MDC1: variants seen among roughly 807,000 people sequenced by gnomAD.
MDC1 encodes the protein mediator of DNA damage checkpoint 1.
A neutral mutation model predicts 142.5 loss-of-function variants in MDC1; 81 were observed. That is an observed-to-expected ratio of 0.57 (90% confidence interval 0.47 to 0.68). The LOEUF (loss-of-function observed/expected upper bound fraction) is 0.68. Ranked by LOEUF, MDC1 falls within the 30% of genes least tolerant of loss-of-function variation. The pLI, the probability that MDC1 is intolerant of heterozygous loss-of-function variation, is 0.00. For missense variants in MDC1, 2,119 were observed against 2,547.9 expected (o/e 0.83, Z 3.62); for synonymous variants, 797 against 968.4 (o/e 0.82, Z 3.29).
Position 30,716,792 on chromosome 6 carries a change from A to G in MDC1, c.-4+453T>C. The G allele has an allele frequency of 2.1e-6, 1 of 478,858 alleles. No homozygotes were observed. The highest frequency in any genetic ancestry group is 8.8e-5 in the South Asian group (1 of 11,370). The allele number at this position is 478,858 out of a possible 1,614,324, so 29.7% of individuals were successfully genotyped here. A position where few individuals can be genotyped will look rare whatever the true frequency, so the allele number is the denominator to read the frequency against. ...GTATACATCTGTGAACCAAACATGA[A>G]ATCGACCCTGCCCTCGGGAAGGCTC... On this transcript the variant is annotated intron_variant, in intron 1 of 14. Coordinates refer to ENST00000376406, the MANE Select transcript of MDC1 (RefSeq NM_014641.3). This position sits in a 1 kb window ranked among gnomAD's most constrained non-coding sequence, Gnocchi z 4.4.
At position 30,705,704 on chromosome 6, in the gene MDC1, G is replaced by A; in HGVS notation, c.3479C>T (p.Pro1160Leu). ...TNRSSVKTPE[P>L]VVPTAPELQP... is the part of the protein sequence containing the mutation. The stretch of plus-strand genomic sequence containing the variant: ...GAGCTCAGGGGCTGTGGGGACAACT[G>A]GTTCAGGGGTCTTGACAGAGGACCT... The change falls in exon 10 of 15, where the codon CCA (proline) becomes CTA (leucine). Residue 1160 changes from proline (P) to leucine (L), a missense_variant. By Grantham distance (98) the Pro-to-Leu change is moderately conservative. Transcript: ENST00000376406. The A allele has an allele frequency of 6.2e-7, 1 of 1,612,946 alleles. No homozygotes were observed. Among genetic ancestry groups the A allele is most frequent in the Non-Finnish European group, 8.5e-7 (1 of 1,179,444 alleles).
Position 30,707,725 on chromosome 6 carries a change from C to G in MDC1, c.2854G>C (p.Glu952Gln). The change falls in exon 8 of 15, where the codon GAG becomes CAG. Residue 952 changes from glutamate to glutamine, a missense_variant. Transcript: ENST00000376406. ...LERDTQRGEP[E>Q]GGSQDQKGQA... is the part of the protein sequence containing the mutation. ...CCTTTCTGGTCCTGGCTCCCTCCCT[C>G]TGGCTCCCCTCTCTGTGTATCTCTC... 6.2e-7 allele frequency: 1 copy of G among 1,613,130 alleles called. No individual in the cohort carries two copies. The highest frequency in any genetic ancestry group is 8.5e-7 in the Non-Finnish European group (1 of 1,180,052).
intron 12 of MDC1, 113 bp downstream of exon 12, chr6:30,702,991 C>G (rs1773027500): frequency 2.5e-6 from 4 of 1,580,492 alleles, no homozygotes; most frequent in East Asian, 4.5e-5. Context: ...AGGCTTCTGG[C>G]TCACCAATGC....
intron 14 of MDC1, among the ~76,000 whole-genome samples, chr6:30,702,256 C>CAAAAAAAAAAAAAAAAAAA (rs57764077): frequency 3.4e-5 from 2 of 59,138 alleles, no homozygotes; most frequent in Non-Finnish European, 5.6e-5. Context: ...GACTCCATCT[C>CAAAAAAAAAAAAAAAAAAA]AAAAAAAAAA....
Position 30,703,963 on chromosome 6 carries a change from C to T in MDC1, c.5220G>A (p.Lys1740=). Reference sequence around the variant, plus strand: ...TAGGTTCCAAGGGTGCAGAGCAAGGCTTATGGTCAATGGGAGCTGCGAGGG... The same window carrying T: ...TAGGTTCCAAGGGTGCAGAGCAAGGTTTATGGTCAATGGGAGCTGCGAGGG... ...PGSLAAPIDH[K]PCSAPLEPKS... is the part of the protein sequence containing the mutation. The change falls in exon 10 of 15, where the codon AAG becomes AAA. Residue 1740 remains lysine (K), a synonymous_variant. Transcript: ENST00000376406. The surrounding 1 kb of genome is among the most constrained non-coding windows in gnomAD (Gnocchi z 4.4). 1 of 1,614,172 alleles carries T rather than the reference C, an allele frequency of 6.2e-7. No homozygotes were observed. The highest frequency in any genetic ancestry group is 8.5e-7 in the Non-Finnish European group (1 of 1,180,016).
chr6:30,701,331 A>G (rs926717832), intron 14 of MDC1, among the ~76,000 whole-genome samples: 3 of 151,640 alleles, frequency 2.0e-5, no homozygotes, highest in Admixed American at 6.6e-5. Context: ...AACCCGGGAG[A>G]TGGAGGTTGC....
intron 2 of MDC1, among the ~76,000 whole-genome samples, chr6:30,714,720 T>C (rs972369544): frequency 6.6e-6 from 1 of 152,166 alleles, no homozygotes; most frequent in African/African-American, 2.4e-5. Flanking sequence ...TTTGCTATGC[T>C]ACCCAGGCTG....
chr6:30,704,329 C>T lies in MDC1; in HGVS notation c.4854G>A (p.Glu1618=), dbSNP rs1187129297. ...TPEPVVPTAP[E]PHPTTSTDQP... ...GGTCTGTGGAGGTGGTAGGATGGGG[C>T]TCAGGGGCTGTGGGGACAACTGGCT... Residue 1618 remains glutamate, a synonymous_variant, in exon 10 of 15, where the codon GAG becomes GAA. Coordinates refer to ENST00000376406, the MANE Select transcript of MDC1 (RefSeq NM_014641.3). 2 of 1,613,314 alleles carry T rather than the reference C, an allele frequency of 1.2e-6. No individual in the cohort carries two copies. Among genetic ancestry groups the T allele is most frequent in the Non-Finnish European group, 1.7e-6 (2 of 1,179,708 alleles).
intron 7 of MDC1, among the ~76,000 whole-genome samples, chr6:30,710,678 T>C (rs1000854870): frequency 1.3e-5 from 2 of 152,196 alleles, no homozygotes; most frequent in Non-Finnish European, 2.9e-5. Flanking sequence ...ATTAGAGGTG[T>C]GAGCCACTGT....
chr6:30,711,550 T>A (rs754304833), intron 6 of MDC1, 46 bp from the exon 7 acceptor site: 1 of 1,599,978 alleles, frequency 6.3e-7, no homozygotes. Flanking sequence ...CATACTACTG[T>A]AGGGTTCCAT....
At position 30,707,804 on chromosome 6, in the gene MDC1, G is replaced by A; in HGVS notation, c.2775C>T (p.Asn925=). ...FEREVERPVA[N]RECDPAELEE... ...CTAACTCGGCTGGATCGCACTCTCT[G>A]TTTGCTACTGGTCTCTCTACTTCTC... The change falls in exon 8 of 15, where the codon AAC becomes AAT. Residue 925 remains asparagine (N), a synonymous_variant. Coordinates refer to ENST00000376406, the MANE Select transcript of MDC1 (RefSeq NM_014641.3). 6.2e-7 allele frequency: 1 copy of A among 1,613,094 alleles called. No homozygotes were observed. The highest frequency in any genetic ancestry group is 8.5e-7 in the Non-Finnish European group (1 of 1,180,038).
chr6:30,703,436 T>C lies in MDC1; in HGVS notation c.5664A>G (p.Gln1888=). The C allele has an allele frequency of 1.9e-6, 3 of 1,614,018 alleles. No individual in the cohort carries two copies. The highest frequency in any genetic ancestry group is 8.5e-7 in the Non-Finnish European group (1 of 1,180,044). Residue 1888 remains glutamine, a synonymous_variant, in exon 11 of 15, where the codon CAA becomes CAG. Coordinates refer to ENST00000376406, the MANE Select transcript of MDC1 (RefSeq NM_014641.3). The surrounding 1 kb of genome is among the most constrained non-coding windows in gnomAD (Gnocchi z 4.4). ...CTCTTACTTTGGGGGCTGTTGATTC[T>C]TGGTTAAGTTTGGTCCGTCGGAGGC... ...SRSLRRTKLN[Q]ESTAPKVLFT... is the part of the protein sequence containing the mutation.
Position 30,707,727 on chromosome 6 carries a change from G to A in MDC1, c.2852C>T (p.Pro951Leu), listed in dbSNP as rs1774135324. ...TTTCTGGTCCTGGCTCCCTCCCTCT[G>A]GCTCCCCTCTCTGTGTATCTCTCTC... ...ILERDTQRGE[P>L]EGGSQDQKGQ... is the part of the protein sequence containing the mutation. Residue 951 changes from proline to leucine, a missense_variant, in exon 8 of 15, where the codon CCA becomes CTA. Transcript: ENST00000376406. The A allele has an allele frequency of 6.2e-7, 1 of 1,612,930 alleles. No homozygotes were observed. Among genetic ancestry groups the A allele is most frequent in the Non-Finnish European group, 8.5e-7 (1 of 1,180,038 alleles).
intron 9 of MDC1, 43 bp from the exon 10 acceptor site, chr6:30,706,141 AAG>A: frequency 1.4e-6 from 2 of 1,464,184 alleles, no homozygotes; most frequent in Non-Finnish European, 1.8e-6. Context: ...AGGTGGAGAA[AAG>A]AGATAGAACT....
At position 30,704,100 on chromosome 6, in the gene MDC1, G is replaced by A. The variant is rs1249782545; in HGVS notation, c.5083C>T (p.Pro1695Ser). 3 of 1,614,152 alleles carry A rather than the reference G, an allele frequency of 1.9e-6. No homozygotes were observed. Among genetic ancestry groups the A allele is most frequent in the Non-Finnish European group, 2.5e-6 (3 of 1,180,016 alleles). Residue 1695 changes from proline to serine, a missense_variant, in exon 10 of 15, where the codon CCT becomes TCT. Physicochemically the swap from Pro to Ser is moderately conservative, Grantham distance 74. Transcript: ENST00000376406. ...GGAGATTGGAATTCAGGGGTGGTAG[G>A]AACCGGCATAGCTCTTACTGTGGAA... ...RSSTVRAMPV[P>S]TTPEFQSPVT...
At chr6:30,711,754 T>C (rs1219790962) in intron 5 of MDC1, 28 bp from the exon 6 acceptor site, 1 of 1,600,794 alleles carries the variant, frequency 6.2e-7, no homozygotes, top group South Asian at 1.1e-5. Context: ...TAAGACAGTT[T>C]AAAACAAAAA....
In MDC1 at chr6:30,715,893, C is replaced by T. The variant is rs1325818721; in HGVS notation, c.-3-715G>A. Among the ~76,000 whole-genome samples, 1 of 152,166 alleles carries T rather than the reference C, an allele frequency of 6.6e-6. No individual in the cohort carries two copies. The highest frequency in any genetic ancestry group is 6.6e-5 in the Admixed American group (1 of 15,266). The stretch of plus-strand genomic sequence containing the variant: ...TAGCTGGGTTAAGATTTTCAGATCT[C>T]CTTGAAACATACATAAGCATATATA... On this transcript the variant is annotated intron_variant, in intron 1 of 14. Transcript: ENST00000376406. This position sits in a 1 kb window ranked among gnomAD's most constrained non-coding sequence, Gnocchi z 4.1.
In MDC1 at chr6:30,708,175, T is replaced by A. The variant is rs1445574263; in HGVS notation, c.2404A>T (p.Ile802Phe). 7 of 1,613,058 alleles carry A rather than the reference T, an allele frequency of 4.3e-6. No homozygotes were observed. Among genetic ancestry groups the A allele is most frequent in the Non-Finnish European group, 5.9e-6 (7 of 1,180,030 alleles). The change falls in exon 8 of 15, where the codon ATT becomes TTT. Residue 802 changes from isoleucine (I) to phenylalanine (F), a missense_variant. Ile to Phe is a conservative substitution (Grantham distance 21, BLOSUM62 0). Transcript: ENST00000376406. Reference protein sequence around the residue: ...ESPVHTEPMGIQGRGRQTVDK... With the variant: ...ESPVHTEPMGFQGRGRQTVDK... ...ACAGTCTGCCTCCCTCTGCCTTGAA[T>A]CCCCATTGGCTCTGTGTGAACTGGG...
intron 6 of MDC1, 67 bp downstream of exon 6, chr6:30,711,600 C>T (rs1774909965): frequency 1.2e-6 from 2 of 1,604,386 alleles, no homozygotes; most frequent in African/African-American, 1.3e-5. Context: ...CTTTACCCTT[C>T]AAGGACCACC....
Sources: gnomAD v4.1 joint callset for allele counts (sites outside exome capture counted in the v4.1 genomes callset) on GRCh38, gnomAD v4.1.1 for gene constraint, Gnocchi (gnomAD v3.1) non-coding constraint, MANE v1.5 for transcripts, NCBI Gene and HGNC (gene_info 2026-07-23, HGNC 2026-07-21) for gene names.